Variants in GABRG2 observed in about 807,000 individuals in gnomAD.
GABRG2 encodes gamma-aminobutyric acid receptor subunit gamma-2.
Under a neutral mutation model 56.4 loss-of-function variants are expected in GABRG2, and 16 were observed. That is an observed-to-expected ratio of 0.28 (90% CI 0.19 to 0.43). GABRG2 has a LOEUF of 0.43. GABRG2 is among the 20% of genes least tolerant of loss of function. The pLI, the probability that GABRG2 is intolerant of heterozygous loss-of-function variation, is 1.00. For synonymous variants in GABRG2, 208 were observed against 205.5 expected, an observed-to-expected ratio of 1.01 and a Z score of -0.10; for missense variants, 327 against 582.7, an observed-to-expected ratio of 0.56 and a Z score of 4.52.
intron 1 of GABRG2, among the ~76,000 whole-genome samples, chr5:162,086,856 G>C (rs989265396): frequency 3.3e-5 from 5 of 151,924 alleles, no homozygotes; most frequent in African/African-American, 4.8e-5. Flanking sequence ...CTGTTGACTT[G>C]AGTTCTATTT....
rs1304518843 is a variant in GABRG2, at chr5:162,153,683, G to C, written c.*315G>C. The C allele has an allele frequency of 2.2e-6, 1 of 446,144 alleles. No individual in the cohort carries two copies. Among genetic ancestry groups the C allele is most frequent in the Non-Finnish European group, 4.1e-6 (1 of 242,084 alleles). 27.6% of individuals were successfully genotyped at this position (446,144 alleles called of 1,614,324 possible). Reference sequence around the variant, plus strand: ...GTGAAAGCCCTGACTATTTACAGTAGTGGTATCCTTACTAGATTCATAATG... The same window carrying C: ...GTGAAAGCCCTGACTATTTACAGTACTGGTATCCTTACTAGATTCATAATG... On this transcript the variant is annotated 3_prime_UTR_variant, in exon 10 of 10. Transcript: ENST00000639213.
chr5:162,102,652 TC>T (rs1201192024), intron 5 of GABRG2: 1 of 451,686 alleles, frequency 2.2e-6, no homozygotes, highest in Non-Finnish European at 4.4e-6. Flanking sequence ...CACCTTGGCC[TC>T]CAGAGTAGCT....
At chr5:162,119,456 T>C (rs1762838875) in intron 6 of GABRG2, among the ~76,000 whole-genome samples, 1 of 152,158 alleles carries the variant, frequency 6.6e-6, no homozygotes, top group Non-Finnish European at 1.5e-5. Context: ...TCATTTATAG[T>C]ATATCATAAT....
rs1220037383 is a variant in GABRG2, at chr5:162,153,344, T to C, written c.1404T>C (p.Tyr468=). ...PTAFCLFNLV[Y]WVSYLYL ...CCTTCTGCCTGTTTAATCTGGTCTA[T>C]TGGGTCTCCTACCTCTACCTGTGAG... Residue 468 remains tyrosine, a synonymous_variant, in exon 10 of 10, where the codon TAT becomes TAC. Coordinates refer to ENST00000639213, the MANE Select transcript of GABRG2 (RefSeq NM_198904.4). The C allele has an allele frequency of 3.1e-6, 5 of 1,613,980 alleles. No homozygotes were observed. Among genetic ancestry groups the C allele is most frequent in the African/African-American group, 1.3e-5 (1 of 75,006 alleles).
At chr5:162,137,969 A>G (rs1764262277) in intron 6 of GABRG2, among the ~76,000 whole-genome samples, 1 of 150,828 alleles carries the variant, frequency 6.6e-6, no homozygotes, top group Non-Finnish European at 1.5e-5. Context: ...TACGTTGCCC[A>G]GGCTGGTGTT....
intron 1 of GABRG2, among the ~76,000 whole-genome samples, chr5:162,078,524 G>A (rs1224818766): frequency 7.0e-6 from 1 of 143,286 alleles, no homozygotes; most frequent in Middle Eastern, 4.1e-3. Flanking sequence ...TCCCACTTCA[G>A]CCTCCTGAGT....
intron 1 of GABRG2, among the ~76,000 whole-genome samples, chr5:162,090,617 C>G (rs1322717172): frequency 6.6e-6 from 1 of 152,110 alleles, no homozygotes; most frequent in Non-Finnish European, 1.5e-5. Flanking sequence ...CACTATCACT[C>G]AGAAACTATC....
rs534997227 is a variant in GABRG2 at position 162,080,280 on chromosome 5, A to G, written c.107+12174A>G. Among the ~76,000 whole-genome samples the G allele has an allele frequency of 5.3e-5, 8 of 152,294 alleles. 1 individual carries two copies. The highest frequency in any genetic ancestry group is 3.9e-4 in the Admixed American group (6 of 15,300). On this transcript the variant is annotated intron_variant, in intron 1 of 9. Transcript: ENST00000639213. Reference sequence around the variant, plus strand: ...AACTTACAAGTGTGGTGTGTTGAAAATAATCAAATAAATTTTACTTTGCAT... The same window carrying G: ...AACTTACAAGTGTGGTGTGTTGAAAGTAATCAAATAAATTTTACTTTGCAT...
At chr5:162,136,905 A>T (rs1178615724) in intron 6 of GABRG2, among the ~76,000 whole-genome samples, 1 of 152,184 alleles carries the variant, frequency 6.6e-6, no homozygotes, top group African/African-American at 2.4e-5. Context: ...TCTTGGCCTG[A>T]CAACTCCTTG....
At chr5:162,114,035 G>C (rs1035018085) in intron 6 of GABRG2, among the ~76,000 whole-genome samples, 2 of 152,048 alleles carry the variant, frequency 1.3e-5, no homozygotes, top group Non-Finnish European at 2.9e-5. Context: ...CCTATAGCAG[G>C]GTCTTTAGGA....
intron 6 of GABRG2, among the ~76,000 whole-genome samples, chr5:162,116,662 A>G (rs1762645727): frequency 6.6e-6 from 1 of 151,940 alleles, no homozygotes; most frequent in Non-Finnish European, 1.5e-5. Context: ...TCTGGATTAC[A>G]AAACTGTCAC....
intron 6 of GABRG2, among the ~76,000 whole-genome samples, chr5:162,114,351 T>C (rs1293654013): frequency 9.9e-5 from 15 of 152,050 alleles, no homozygotes; most frequent in Admixed American, 8.5e-4. Flanking sequence ...TGGGGAAAAT[T>C]AGAGATAATT....
chr5:162,124,958 ATGTGTGTGTGTGTG>A (rs55993809), intron 6 of GABRG2, among the ~76,000 whole-genome samples: 2 of 143,888 alleles, frequency 1.4e-5, no homozygotes, highest in South Asian at 2.3e-4. Context: ...GTATAAAGAG[ATGTGTGTGTGTGTG>A]TGTGTGTGTG....
intron 6 of GABRG2, among the ~76,000 whole-genome samples, chr5:162,133,991 G>T (rs1763943160): frequency 6.6e-6 from 1 of 152,150 alleles, no homozygotes; most frequent in Admixed American, 6.5e-5. Flanking sequence ...AAGAGTAAAT[G>T]AAGGCTCTGT....
chr5:162,127,175 A>C lies in GABRG2; in HGVS notation c.770-14989A>C, dbSNP rs1311035918. ...CGGAAGCTCATAACTCTTGTTAAGA[A>C]TTTTTAAAGCAAAGTTATCAAATCT... On this transcript the variant is annotated intron_variant, in intron 6 of 9. Transcript: ENST00000639213. 2.0e-5 allele frequency among the ~76,000 whole-genome samples: 3 copies of C among 151,990 alleles called. No individual in the cohort carries two copies. The South Asian group carries it at 6.2e-4, about 31-fold the overall frequency.
At chr5:162,102,415 G>A in intron 5 of GABRG2, 1 of 430,270 alleles carries the variant, frequency 2.3e-6, no homozygotes, top group South Asian at 1.7e-5. Context: ...GTGGCCAGTT[G>A]AAAATGATCC....
At chr5:162,151,679 C>A in intron 8 of GABRG2, 51 bp from the exon 9 acceptor site, 1 of 1,450,612 alleles carries the variant, frequency 6.9e-7, no homozygotes. Context: ...TTTTTTTTCT[C>A]CTTTTTATTA....
chr5:162,088,179 T>C (rs1760278524), intron 1 of GABRG2, among the ~76,000 whole-genome samples: 3 of 152,076 alleles, frequency 2.0e-5, no homozygotes, highest in Admixed American at 2.0e-4. Flanking sequence ...GCCCCATCCA[T>C]TGAACACCAC....
intron 6 of GABRG2, among the ~76,000 whole-genome samples, chr5:162,131,447 A>G (rs1322117937): frequency 1.3e-5 from 2 of 151,956 alleles, no homozygotes; most frequent in Non-Finnish European, 2.9e-5. Flanking sequence ...ATTACTTAGA[A>G]ACATCACTTT....
Sources: allele counts gnomAD v4.1 joint callset (sites outside exome capture counted in the v4.1 genomes callset), GRCh38; gene constraint gnomAD v4.1.1; transcripts MANE v1.5; gene names NCBI Gene and HGNC (gene_info 2026-07-23, HGNC 2026-07-21).